The following VARS1 variants were observed in gnomAD, a reference collection of about 807,000 sequenced individuals.
VARS1 encodes valine--tRNA ligase.
A neutral mutation model predicts 161.0 loss-of-function variants in VARS1; 92 were observed. That is an observed-to-expected ratio of 0.57 (90% CI 0.48 to 0.68). The LOEUF (loss-of-function observed/expected upper bound fraction) is 0.68. Ranked by LOEUF, VARS1 falls within the 30% of genes least tolerant of loss-of-function variation. The pLI is 0.00. For synonymous variants in VARS1, 595 were observed against 682.5 expected (o/e 0.87, Z 2.00); for missense variants, 1,338 against 1,695.9 (o/e 0.79, Z 3.71).
At position 31,782,383 on chromosome 6, in the gene VARS1, C is replaced by G. The variant is rs771519963; in HGVS notation, c.2052G>C (p.Glu684Asp). 6.2e-7 allele frequency: 1 copy of G among 1,612,504 alleles called. No homozygotes were observed. The highest frequency in any genetic ancestry group is 8.5e-7 in the Non-Finnish European group (1 of 1,179,766). Residue 684 changes from glutamate (E) to aspartate (D), a missense_variant, in exon 17 of 30, where the codon GAG (glutamate) becomes GAC (aspartate). Physicochemically the swap from Glu to Asp is conservative, Grantham distance 45. Around this residue, in one of 3 missense-constraint regions of VARS1, gnomAD observed 902 missense variants for 1,090.3 expected, o/e 0.83. Coordinates refer to ENST00000375663, the MANE Select transcript of VARS1 (RefSeq NM_006295.3). The surrounding 1 kb of genome is among the most constrained non-coding windows in gnomAD (Gnocchi z 8.3). Reference protein sequence around the residue: ...LRPQWYVRCGEMAQAASAAVT... With the variant: ...LRPQWYVRCGDMAQAASAAVT... Reference sequence around the variant, plus strand: ...CAGCGGCGCTGGCAGCCTGGGCCATCTCCCCGCAGCGAACGTACCACTGCG... The same window carrying G: ...CAGCGGCGCTGGCAGCCTGGGCCATGTCCCCGCAGCGAACGTACCACTGCG...
chr6:31,782,571 G>A lies in VARS1; in HGVS notation c.1950C>T (p.Phe650=). ...VLVALKERGL[F]RGIEDNPMVV... is the part of the protein sequence containing the mutation. Reference sequence around the variant, plus strand: ...CCATGGGGTTGTCCTCAATGCCACGGAACAGTCCCCGCTCCTTCAGCGCCA... The same window carrying A: ...CCATGGGGTTGTCCTCAATGCCACGAAACAGTCCCCGCTCCTTCAGCGCCA... Residue 650 remains phenylalanine (F), a synonymous_variant, in exon 16 of 30, where the codon TTC becomes TTT. Coordinates refer to ENST00000375663, the MANE Select transcript of VARS1 (RefSeq NM_006295.3). This position sits in a 1 kb window ranked among gnomAD's most constrained non-coding sequence, Gnocchi z 8.3. 1 of 1,613,060 alleles carries A rather than the reference G, an allele frequency of 6.2e-7. No individual in the cohort carries two copies. Among genetic ancestry groups the A allele is most frequent in the Non-Finnish European group, 8.5e-7 (1 of 1,180,038 alleles).
chr6:31,785,421 T>A lies in VARS1; in HGVS notation c.1266-94A>T, dbSNP rs946502148. 57 of 1,565,256 alleles carry A rather than the reference T, an allele frequency of 3.6e-5. No individual in the cohort carries two copies. Among genetic ancestry groups the A allele is most frequent in the South Asian group, 8.0e-5 (7 of 87,694 alleles). On this transcript the variant is annotated intron_variant, in intron 9 of 29. Coordinates refer to ENST00000375663, the MANE Select transcript of VARS1 (RefSeq NM_006295.3). This position sits in a 1 kb window ranked among gnomAD's most constrained non-coding sequence, Gnocchi z 6.1. ...GCAGTGTGGAGATCACCCATCCCCC[T>A]GAAATTTACCTGGGCCCTAGAGCCA... is the stretch of plus-strand genomic sequence containing the variant.
chr6:31,784,192 C>T lies in VARS1; in HGVS notation c.1671+22G>A, dbSNP rs1217179776. The T allele has an allele frequency of 1.9e-6, 3 of 1,613,918 alleles. No individual in the cohort carries two copies. Among genetic ancestry groups the T allele is most frequent in the Non-Finnish European group, 2.5e-6 (3 of 1,179,864 alleles). On this transcript the variant is annotated intron_variant, in intron 13 of 29. Coordinates refer to ENST00000375663, the MANE Select transcript of VARS1 (RefSeq NM_006295.3). The surrounding 1 kb of genome is among the most constrained non-coding windows in gnomAD (Gnocchi z 6.1). ...GCCCTTTTTGGCCAGAACTCCTTCC[C>T]TAACTGTGGACAGTCCCCCACCTGG...
Position 31,791,437 on chromosome 6 carries a change from G to A in VARS1, c.1100+173C>T, listed in dbSNP as rs748520304. ...GTGGCGGTGTTGCATGGGAGTACTG[G>A]ACTAGGAGAGGAAGCTAAATGATCA... On this transcript the variant is annotated intron_variant, in intron 8 of 29. Transcript: ENST00000375663. The surrounding 1 kb of genome is among the most constrained non-coding windows in gnomAD (Gnocchi z 5.0). Among the ~76,000 whole-genome samples, 2 of 152,166 alleles carry A rather than the reference G, an allele frequency of 1.3e-5. No homozygotes were observed. The highest frequency in any genetic ancestry group is 2.9e-5 in the Non-Finnish European group (2 of 68,030).
intron 4 of VARS1, 72 bp downstream of exon 4, chr6:31,792,685 G>A: frequency 6.3e-7 from 1 of 1,599,814 alleles, no homozygotes; most frequent in Non-Finnish European, 8.5e-7. Context: ...CCATTTCTAG[G>A]AAAAAAAGAA....
chr6:31,785,924 C>G lies in VARS1; in HGVS notation c.1101-191G>C, dbSNP rs879048576. Among the ~76,000 whole-genome samples, 3 of 151,744 alleles carry G rather than the reference C, an allele frequency of 2.0e-5. No individual in the cohort carries two copies. Among genetic ancestry groups the G allele is most frequent in the African/African-American group, 7.3e-5 (3 of 41,272 alleles). On this transcript the variant is annotated intron_variant, in intron 8 of 29. Transcript: ENST00000375663. The surrounding 1 kb of genome is among the most constrained non-coding windows in gnomAD (Gnocchi z 6.1). ...GTGGATCACCTCAGGTGGGGGAGTTCGAGATGAGCCTGGCCAACATGGTAA... is the reference window on the plus strand; with the variant it reads ...GTGGATCACCTCAGGTGGGGGAGTTGGAGATGAGCCTGGCCAACATGGTAA...
Position 31,779,976 on chromosome 6 carries a change from G to A in VARS1, c.3081+22C>T. ...TGCCCACCTGCCCCCACCATCCCCT[G>A]CCCCGCTGTGCTCCTTCTCACCAAG... On this transcript the variant is annotated intron_variant, in intron 26 of 29. Transcript: ENST00000375663. The surrounding 1 kb of genome is among the most constrained non-coding windows in gnomAD (Gnocchi z 9.1). The A allele has an allele frequency of 6.2e-7, 1 of 1,612,896 alleles. No homozygotes were observed. Among genetic ancestry groups the A allele is most frequent in the Non-Finnish European group, 8.5e-7 (1 of 1,179,578 alleles).
In VARS1 at chr6:31,795,507, G is replaced by A; in HGVS notation, c.-34+39C>T. ...GTGGAAGGCTCTCAGGAGCGGGTCG[G>A]CGTCTGGTTGGATGCGGGTTCGAGC... On this transcript the variant is annotated intron_variant, in intron 1 of 29. Transcript: ENST00000375663. The surrounding 1 kb of genome is among the most constrained non-coding windows in gnomAD (Gnocchi z 6.9). 3.1e-6 allele frequency: 1 copy of A among 325,310 alleles called. No individual in the cohort carries two copies. 20.2% of individuals were successfully genotyped at this position (325,310 alleles called of 1,614,324 possible).
chr6:31,784,168 C>T lies in VARS1; in HGVS notation c.1671+46G>A, dbSNP rs762210461. The T allele has an allele frequency of 2.5e-6, 4 of 1,609,476 alleles. No homozygotes were observed. The African/African-American group carries it at 5.3e-5, about 21-fold the overall frequency. ...CCCCTCCACCCCATAAGGATGGGAGCCCTTTTTGGCCAGAACTCCTTCCCT... is the reference window on the plus strand; with the variant it reads ...CCCCTCCACCCCATAAGGATGGGAGTCCTTTTTGGCCAGAACTCCTTCCCT... On this transcript the variant is annotated intron_variant, in intron 13 of 29. Coordinates refer to ENST00000375663, the MANE Select transcript of VARS1 (RefSeq NM_006295.3). This position sits in a 1 kb window ranked among gnomAD's most constrained non-coding sequence, Gnocchi z 6.1.
rs1490358724 is a variant in VARS1, at chr6:31,784,877, G to T, written c.1348-163C>A. On this transcript the variant is annotated intron_variant, in intron 10 of 29. Transcript: ENST00000375663. This position sits in a 1 kb window ranked among gnomAD's most constrained non-coding sequence, Gnocchi z 6.1. ...CCTTCTTTCCTTGAGGGGGAGAGAGGACTAAGGGAACACAAGAGCAGGCAA... is the reference window on the plus strand; with the variant it reads ...CCTTCTTTCCTTGAGGGGGAGAGAGTACTAAGGGAACACAAGAGCAGGCAA... 6.6e-6 allele frequency among the ~76,000 whole-genome samples: 1 copy of T among 152,160 alleles called. No homozygotes were observed. The highest frequency in any genetic ancestry group is 1.5e-5 in the Non-Finnish European group (1 of 68,026).
In VARS1 at chr6:31,780,767, G is replaced by A. The variant is rs144311815; in HGVS notation, c.2735C>T (p.Ala912Val). 34 of 1,614,202 alleles carry A rather than the reference G, an allele frequency of 2.1e-5. No homozygotes were observed. Among genetic ancestry groups the A allele is most frequent in the Non-Finnish European group, 2.5e-5 (30 of 1,180,032 alleles). The change falls in exon 24 of 30, where the codon GCG becomes GTG. Residue 912 changes from alanine to valine, a missense_variant. Ala to Val is a moderately conservative substitution (Grantham distance 64, BLOSUM62 0). Around this residue, in one of 3 missense-constraint regions of VARS1, gnomAD observed 433 missense variants for 586.2 expected, o/e 0.74. Transcript: ENST00000375663. The surrounding 1 kb of genome is among the most constrained non-coding windows in gnomAD (Gnocchi z 5.1). ...ATCGGTGCCACATTCAGGAATCCCCGCTGGGAAGTCAGCTTTCTACAGGGA... is the reference window on the plus strand; with the variant it reads ...ATCGGTGCCACATTCAGGAATCCCCACTGGGAAGTCAGCTTTCTACAGGGA... ...AKEGQKADFP[A>V]GIPECGTDAL... is the part of the protein sequence containing the mutation.
chr6:31,779,439 C>G lies in VARS1; in HGVS notation c.3386G>C (p.Arg1129Pro). ...RSLRADYNLTRIRPDCFLEVA... is the reference protein window; with the variant it reads ...RSLRADYNLTPIRPDCFLEVA... ...CTGAGGCTCACAGTCAGGCCGGATCCGGGTGAGGTTGTAGTCGGCCCGCAG... is the reference window on the plus strand; with the variant it reads ...CTGAGGCTCACAGTCAGGCCGGATCGGGGTGAGGTTGTAGTCGGCCCGCAG... The change falls in exon 28 of 30, where the codon CGG becomes CCG. Residue 1129 changes from arginine to proline, a missense_variant. Physicochemically the swap from Arg to Pro is moderately radical, Grantham distance 103. This residue lies in a region of VARS1 where 433 missense variants were observed against 586.2 expected (regional missense o/e 0.74). Coordinates refer to ENST00000375663, the MANE Select transcript of VARS1 (RefSeq NM_006295.3). This position sits in a 1 kb window ranked among gnomAD's most constrained non-coding sequence, Gnocchi z 9.1. 1 of 1,612,084 alleles carries G rather than the reference C, an allele frequency of 6.2e-7. No individual in the cohort carries two copies. The highest frequency in any genetic ancestry group is 8.5e-7 in the Non-Finnish European group (1 of 1,179,978).
intron 2 of VARS1, 137 bp from the exon 3 acceptor site, chr6:31,793,257 CACAATA>C (rs1308233352): frequency 8.1e-7 from 1 of 1,234,172 alleles, no homozygotes; most frequent in African/African-American, 1.5e-5. Context: ...CTCAAATAGT[CACAATA>C]AAAATACTTC....
rs1308370688 is a variant in VARS1, at chr6:31,785,557, C to T, written c.1265+12G>A. 1 of 1,595,904 alleles carries T rather than the reference C, an allele frequency of 6.3e-7. No homozygotes were observed. Among genetic ancestry groups the T allele is most frequent in the East Asian group, 2.3e-5 (1 of 44,384 alleles). On this transcript the variant is annotated intron_variant, in intron 9 of 29. Transcript: ENST00000375663. The surrounding 1 kb of genome is among the most constrained non-coding windows in gnomAD (Gnocchi z 6.1). Reference sequence around the variant, plus strand: ...CAGGGCTGCGATGCCCACAGGGATGCTGCATACTCACTCCTCCTTCCACTT... The same window carrying T: ...CAGGGCTGCGATGCCCACAGGGATGTTGCATACTCACTCCTCCTTCCACTT...
intron 13 of VARS1, 66 bp from the exon 14 acceptor site, chr6:31,783,252 C>A: frequency 1.3e-6 from 2 of 1,545,634 alleles, no homozygotes; most frequent in South Asian, 2.3e-5. Context: ...CACCTGTAAT[C>A]CCAGAACTTT....
Position 31,784,537 on chromosome 6 carries a change from G to C in VARS1, c.1468-35C>G, listed in dbSNP as rs778484296. 2 of 1,613,538 alleles carry C rather than the reference G, an allele frequency of 1.2e-6. No homozygotes were observed. The highest frequency in any genetic ancestry group is 2.7e-5 in the African/African-American group (2 of 75,064). ...GGGTATTTAGAGGCGTGGCCCAGGG[G>C]CCAGGGCCAGGGCCAGGGTAGATTG... On this transcript the variant is annotated intron_variant, in intron 11 of 29. Transcript: ENST00000375663. The surrounding 1 kb of genome is among the most constrained non-coding windows in gnomAD (Gnocchi z 6.1).
chr6:31,785,211 A>G lies in VARS1; in HGVS notation c.1347+35T>C. The G allele has an allele frequency of 6.2e-7, 1 of 1,611,662 alleles. No homozygotes were observed. The highest frequency in any genetic ancestry group is 8.5e-7 in the Non-Finnish European group (1 of 1,178,976). ...GGGGTCCCACCCTGGGGAGACTCCT[A>G]CTCCTGCCCCAGCTTTGACACTCCT... On this transcript the variant is annotated intron_variant, in intron 10 of 29. Coordinates refer to ENST00000375663, the MANE Select transcript of VARS1 (RefSeq NM_006295.3). The surrounding 1 kb of genome is among the most constrained non-coding windows in gnomAD (Gnocchi z 6.1).
chr6:31,781,256 A>G lies in VARS1; in HGVS notation c.2545-133T>C. 1 of 1,210,200 alleles carries G rather than the reference A, an allele frequency of 8.3e-7. No homozygotes were observed. The highest frequency in any genetic ancestry group is 1.2e-6 in the Non-Finnish European group (1 of 856,888). The allele number at this position is 1,210,200 out of a possible 1,614,324, so 75.0% of individuals were successfully genotyped here. On this transcript the variant is annotated intron_variant, in intron 21 of 29. Coordinates refer to ENST00000375663, the MANE Select transcript of VARS1 (RefSeq NM_006295.3). This position sits in a 1 kb window ranked among gnomAD's most constrained non-coding sequence, Gnocchi z 6.8. ...ACTGAGTGTCCCCAAGAGCTCGTTG[A>G]GCGCCTTTATGTGAATCAGAAGCAC...
chr6:31,779,240 C>T lies in VARS1; in HGVS notation c.3453G>A (p.Ser1151=), dbSNP rs780328604. Residue 1151 remains serine (S), a synonymous_variant, in exon 29 of 30, where the codon TCG becomes TCA. Transcript: ENST00000375663. This position sits in a 1 kb window ranked among gnomAD's most constrained non-coding sequence, Gnocchi z 9.1. ...CGCTGGCCAGGGCCTGCACGTAGCC[C>T]GACACCGCCGATGCCAGGGCGCCCG... The part of the protein sequence containing the change: ...EATGALASAV[S]GYVQALASAG... The T allele has an allele frequency of 4.5e-5, 73 of 1,605,042 alleles. No individual in the cohort carries two copies. The highest frequency in any genetic ancestry group is 5.9e-5 in the Non-Finnish European group (69 of 1,179,300).
Sources: allele counts gnomAD v4.1 joint callset (sites outside exome capture counted in the v4.1 genomes callset), GRCh38; gene constraint gnomAD v4.1.1; regional missense constraint gnomAD v4.1.1; non-coding constraint Gnocchi (gnomAD v3.1); transcripts MANE v1.5; gene names NCBI Gene and HGNC (gene_info 2026-07-23, HGNC 2026-07-21).